VXN: variants seen among roughly 807,000 people sequenced by gnomAD.
The protein encoded by VXN is vexin.
A neutral mutation model predicts 23.1 loss-of-function variants in VXN; 7 were observed. That is an observed-to-expected ratio of 0.30 (90% CI 0.17 to 0.57). VXN has a LOEUF of 0.57. Among genes scored for constraint, VXN ranks in the 20% least tolerant of loss-of-function variants. The probability of loss-of-function intolerance (pLI) is 0.91; values close to 1 mark genes in which losing one functional copy is unlikely to be tolerated. For missense variants in VXN, 238 were observed against 272.6 expected (o/e 0.87, Z 0.89); for synonymous variants, 120 against 105.8 (o/e 1.13, Z -0.83).
chr8:66,508,656 G>C (rs894738253), intron 3 of VXN, among the ~76,000 whole-genome samples: 33 of 152,086 alleles, frequency 2.2e-4, no homozygotes, highest in African/African-American at 8.0e-4. Context: ...CGGGGTAGAG[G>C]GTTACTCAGT....
rs74410512 is a variant in VXN, at chr8:66,510,431, A to G, written c.342+274A>G. On this transcript the variant is annotated intron_variant, in intron 4 of 5. Coordinates refer to ENST00000305454, the MANE Select transcript of VXN (RefSeq NM_152765.4). ...CTATTATCCAATAGACATCTTATACATGGTGAGGGGTGGGGGCAGGATGGA... is the reference window on the plus strand; with the variant it reads ...CTATTATCCAATAGACATCTTATACGTGGTGAGGGGTGGGGGCAGGATGGA... 3.5e-3 allele frequency: 1,185 copies of G among 338,028 alleles called. 23 individuals are homozygous for G. The highest frequency in any genetic ancestry group is 0.029 in the Admixed American group (632 of 21,982). The allele number at this position is 338,028 out of a possible 1,614,324, so 20.9% of individuals were successfully genotyped here. A position where few individuals can be genotyped will look rare whatever the true frequency, so the allele number is the denominator to read the frequency against.
intron 4 of VXN, 100 bp from the exon 5 acceptor site, chr8:66,513,440 G>A: frequency 1.0e-6 from 1 of 961,608 alleles, no homozygotes; most frequent in Non-Finnish European, 1.7e-6. Context: ...CCCAGGCGGT[G>A]GTGGTTCCAT....
At chr8:66,515,733 G>A (rs12545198) in intron 5 of VXN, among the ~76,000 whole-genome samples, 160 bp from the exon 6 acceptor site, 6,657 of 152,268 alleles carry the variant, frequency 0.044, 290 homozygotes, top group East Asian at 0.15. Flanking sequence ...AAGGGAAGAC[G>A]TTCCTGTGAG....
At chr8:66,510,685 G>A (rs1198870355) in intron 4 of VXN, among the ~76,000 whole-genome samples, 3 of 152,244 alleles carry the variant, frequency 2.0e-5, no homozygotes, top group Admixed American at 6.5e-5. Flanking sequence ...AGCAGATTCA[G>A]TGACTGGCGA....
intron 2 of VXN, among the ~76,000 whole-genome samples, chr8:66,499,462 G>C (rs954832608): frequency 1.3e-5 from 2 of 151,870 alleles, no homozygotes; most frequent in Non-Finnish European, 2.9e-5. Flanking sequence ...CAAACTCTTG[G>C]ACTCAAGTGA....
chr8:66,502,310 C>A (rs563396890), intron 2 of VXN, among the ~76,000 whole-genome samples: 1 of 152,290 alleles, frequency 6.6e-6, no homozygotes, highest in South Asian at 2.1e-4. Flanking sequence ...CATGGAGCCA[C>A]GACAATGAAG....
chr8:66,494,355 C>T (rs1807601603), intron 1 of VXN, among the ~76,000 whole-genome samples: 1 of 152,126 alleles, frequency 6.6e-6, no homozygotes, highest in South Asian at 2.1e-4. Context: ...TCTGATGACT[C>T]CAAGTGTCTG....
intron 3 of VXN, 21 bp from the exon 4 acceptor site, chr8:66,510,075 C>T (rs377047455): frequency 5.6e-6 from 9 of 1,607,936 alleles, no homozygotes; most frequent in Non-Finnish European, 7.7e-6. Flanking sequence ...TGAGTAATAT[C>T]TCCTCTGTTC....
intron 4 of VXN, among the ~76,000 whole-genome samples, chr8:66,513,283 G>A (rs1447522772): frequency 1.3e-5 from 2 of 152,202 alleles, no homozygotes; most frequent in African/African-American, 4.8e-5. Context: ...CCCAGGACTA[G>A]CAGCACCAGC....
chr8:66,504,811 A>G (rs1285392626), intron 2 of VXN, among the ~76,000 whole-genome samples: 2 of 152,278 alleles, frequency 1.3e-5, no homozygotes, highest in East Asian at 3.9e-4. Context: ...CGCGGGTAGG[A>G]GAGCACCCCG....
At chr8:66,496,151 C>T (rs1398128455) in intron 1 of VXN, among the ~76,000 whole-genome samples, 5 of 152,158 alleles carry the variant, frequency 3.3e-5, no homozygotes, top group African/African-American at 4.8e-5. Context: ...CTTTTCAAGG[C>T]TGAGTAATAT....
chr8:66,503,765 TGTCCTATA>T (rs540630336), intron 2 of VXN, among the ~76,000 whole-genome samples: 333 of 152,302 alleles, frequency 2.2e-3, no homozygotes, highest in Middle Eastern at 6.8e-3. Context: ...GCCCAGACTG[TGTCCTATA>T]GTCCAGAAAA....
chr8:66,493,944 C>G (rs1807596398), intron 1 of VXN, among the ~76,000 whole-genome samples: 1 of 152,166 alleles, frequency 6.6e-6, no homozygotes, highest in Non-Finnish European at 1.5e-5. Context: ...GCTAAATACT[C>G]CCTGTCTCAT....
intron 2 of VXN, among the ~76,000 whole-genome samples, chr8:66,502,292 C>G (rs771102019): frequency 3.3e-5 from 5 of 152,224 alleles, no homozygotes; most frequent in East Asian, 1.9e-4. Context: ...GTCAGTTAAG[C>G]CTTCTGGCAT....
rs1341938149 is a variant in VXN, at chr8:66,515,982, G to T, written c.530G>T (p.Cys177Phe). 2.5e-6 allele frequency: 4 copies of T among 1,613,836 alleles called. No individual in the cohort carries two copies. The African/African-American group carries it at 4.0e-5, about 16-fold the overall frequency. Residue 177 changes from cysteine to phenylalanine, a missense_variant, in exon 6 of 6, where the codon TGC becomes TTC. By Grantham distance (205) the Cys-to-Phe change is radical. Around this residue, in one of 2 missense-constraint regions of VXN, gnomAD observed 223 missense variants for 236.9 expected, o/e 0.94. Transcript: ENST00000305454. The part of the protein sequence containing the change: ...ASLPLTGSAS[C>F]GVPGILRKMW... Reference sequence around the variant, plus strand: ...CTACCACTGACAGGCAGTGCTTCCTGCGGCGTCCCCGGCATCCTCCGGAAA... The same window carrying T: ...CTACCACTGACAGGCAGTGCTTCCTTCGGCGTCCCCGGCATCCTCCGGAAA...
chr8:66,504,653 T>C (rs1456837368), intron 2 of VXN, among the ~76,000 whole-genome samples: 1 of 152,200 alleles, frequency 6.6e-6, no homozygotes, highest in Non-Finnish European at 1.5e-5. Context: ...CCAGTATAAC[T>C]ACTCAGCAGG....
chr8:66,500,586 T>G (rs538889362), intron 2 of VXN, among the ~76,000 whole-genome samples: 1 of 152,304 alleles, frequency 6.6e-6, no homozygotes, highest in Non-Finnish European at 1.5e-5. Context: ...GATGAGTATA[T>G]TGCATGATGC....
At chr8:66,514,725 T>C (rs1291712779) in intron 5 of VXN, among the ~76,000 whole-genome samples, 1 of 152,334 alleles carries the variant, frequency 6.6e-6, no homozygotes, top group Admixed American at 6.5e-5. Context: ...CCTCCACACC[T>C]GGCCTGAGAA....
intron 4 of VXN, among the ~76,000 whole-genome samples, chr8:66,512,099 G>A (rs1479194492): frequency 6.6e-6 from 1 of 151,782 alleles, no homozygotes; most frequent in Non-Finnish European, 1.5e-5. Context: ...AAGAGGAAGA[G>A]GAGGCAGCAC....
Sources: gnomAD v4.1 joint callset for allele counts (sites outside exome capture counted in the v4.1 genomes callset) on GRCh38, gnomAD v4.1.1 for gene constraint, gnomAD v4.1.1 regional missense constraint, MANE v1.5 for transcripts, NCBI Gene and HGNC (gene_info 2026-07-23, HGNC 2026-07-21) for gene names.